RAC1: variants seen among roughly 807,000 people sequenced by gnomAD.
The protein encoded by RAC1 is Rac family small GTPase 1, also known as ras-related C3 botulinum toxin substrate 1.
In RAC1, 2 loss-of-function variants were observed where a neutral mutation model predicts 25.2. That is an observed-to-expected ratio of 0.08 (90% confidence interval 0.03 to 0.25). The LOEUF (loss-of-function observed/expected upper bound fraction) is 0.25, where lower values mean the gene tolerates loss of function less well. Ranked by LOEUF, RAC1 falls within the 10% of genes least tolerant of loss-of-function variation. The pLI is 1.00. For synonymous variants in RAC1, 88 were observed against 94.0 expected (o/e 0.94, Z 0.37); for missense variants, 50 against 235.7 (o/e 0.21, Z 5.16).
At chr7:6,382,074 A>G (rs1034839369) in intron 1 of RAC1, among the ~76,000 whole-genome samples, 3 of 152,072 alleles carry the variant, frequency 2.0e-5, no homozygotes, top group East Asian at 3.9e-4. Context: ...GCTCACTGCA[A>G]CCTCTACCCC....
intron 5 of RAC1, 29 bp downstream of exon 5, chr7:6,402,056 T>G (rs1374578866): frequency 1.2e-6 from 2 of 1,602,660 alleles, no homozygotes; most frequent in Non-Finnish European, 1.7e-6. Flanking sequence ...TTCCTCCTCC[T>G]TGTACCTCTT....
In RAC1 at chr7:6,374,640, C is replaced by T. The variant is rs1238728644; in HGVS notation, c.-96C>T. 15 of 883,392 alleles carry T rather than the reference C, an allele frequency of 1.7e-5. No homozygotes were observed. Among genetic ancestry groups the T allele is most frequent in the Non-Finnish European group, 2.1e-5 (15 of 724,118 alleles). The allele number at this position is 883,392 out of a possible 1,614,324, so 54.7% of individuals were successfully genotyped here. ...GCGGCCCCGGCACCCAGCGCCCCGC[C>T]GCCCGCAAGCCGCGCGCCCGTCCGC... is the stretch of plus-strand genomic sequence containing the variant. On this transcript the variant is annotated 5_prime_UTR_variant, in exon 1 of 6. Transcript: ENST00000348035.
chr7:6,389,697 A>C (rs1783032269), intron 2 of RAC1, among the ~76,000 whole-genome samples: 1 of 151,978 alleles, frequency 6.6e-6, no homozygotes, highest in Non-Finnish European at 1.5e-5. Context: ...GAAAAAAAAA[A>C]TATGTGTTTT....
intron 1 of RAC1, among the ~76,000 whole-genome samples, chr7:6,377,582 G>T (rs182376751): frequency 2.6e-5 from 4 of 152,172 alleles, no homozygotes; most frequent in Non-Finnish European, 4.4e-5. Context: ...GCGACAGAGT[G>T]AGACCTTGTC....
intron 1 of RAC1, among the ~76,000 whole-genome samples, chr7:6,376,672 GTTTTTTTTT>G: frequency 1.0e-5 from 1 of 99,956 alleles, no homozygotes; most frequent in Admixed American, 1.2e-4. Context: ...CAGCTAATTT[GTTTTTTTTT>G]TTTTTTTTTG....
chr7:6,389,949 C>T (rs915303746), intron 2 of RAC1, among the ~76,000 whole-genome samples: 8 of 141,592 alleles, frequency 5.7e-5, no homozygotes, highest in African/African-American at 1.8e-4. Context: ...CTCCCTCCCT[C>T]TCTCCCTCCC....
chr7:6,399,426 C>T (rs1027726854), intron 3 of RAC1, among the ~76,000 whole-genome samples: 1 of 152,204 alleles, frequency 6.6e-6, no homozygotes, highest in Admixed American at 6.5e-5. Context: ...TTTGGTTTGA[C>T]ACAAAATACA....
At chr7:6,399,972 C>G in intron 3 of RAC1, 154 bp from the exon 4 acceptor site, 1 of 664,932 alleles carries the variant, frequency 1.5e-6, no homozygotes, top group Non-Finnish European at 2.7e-6. Flanking sequence ...AGCCCTCTGA[C>G]AAACTGAAAG....
At chr7:6,388,495 C>T (rs1039656297) in intron 2 of RAC1, among the ~76,000 whole-genome samples, 2 of 151,932 alleles carry the variant, frequency 1.3e-5, no homozygotes, top group African/African-American at 2.4e-5. Context: ...CAGGCATACA[C>T]CACCACACCT....
chr7:6,391,596 G>A lies in RAC1; in HGVS notation c.108-328G>A, dbSNP rs150757197. On this transcript the variant is annotated intron_variant, in intron 2 of 5. Coordinates refer to ENST00000348035, the MANE Select transcript of RAC1 (RefSeq NM_006908.5). ...AACCCAACAAGTAGGATTTGAAAGC[G>A]GGGCTAATTGTACCCTTATTTCTTC... 1.6e-3 allele frequency: 458 copies of A among 290,944 alleles called. 11 individuals are homozygous for A. In the East Asian group the frequency reaches 0.032, roughly 20 times the overall value. 18.0% of individuals were successfully genotyped at this position (290,944 alleles called of 1,614,324 possible).
chr7:6,400,678 T>G (rs1298671124), intron 4 of RAC1, among the ~76,000 whole-genome samples: 2 of 151,978 alleles, frequency 1.3e-5, no homozygotes, highest in Non-Finnish European at 2.9e-5. Flanking sequence ...TTTTTTTGTT[T>G]TTGTTTTTGT....
At chr7:6,386,996 A>G (rs200345509) in intron 1 of RAC1, among the ~76,000 whole-genome samples, 62 of 130,464 alleles carry the variant, frequency 4.8e-4, no homozygotes, top group Admixed American at 9.2e-4. Flanking sequence ...ATGGCTCCTG[A>G]CTCTATCTTT....
At chr7:6,379,743 T>G (rs1044365346) in intron 1 of RAC1, among the ~76,000 whole-genome samples, 1 of 152,124 alleles carries the variant, frequency 6.6e-6, no homozygotes, top group African/African-American at 2.4e-5. Context: ...TTTTTTATTT[T>G]TTTATTGCTT....
chr7:6,388,367 A>C (rs1417766385), intron 2 of RAC1, among the ~76,000 whole-genome samples: 3 of 59,964 alleles, frequency 5.0e-5, no homozygotes, highest in African/African-American at 1.6e-4. Context: ...TTTTTTTTGG[A>C]GTTAGTCTCT....
intron 2 of RAC1, chr7:6,391,618 C>A (rs1783095426): frequency 5.7e-6 from 2 of 349,416 alleles, no homozygotes; most frequent in Non-Finnish European, 1.1e-5. Context: ...ACCCTTATTT[C>A]TTCTGGGGAT....
intron 1 of RAC1, among the ~76,000 whole-genome samples, chr7:6,380,487 A>G (rs1001607395): frequency 1.3e-5 from 2 of 152,042 alleles, no homozygotes; most frequent in African/African-American, 2.4e-5. Flanking sequence ...CCTTAAATTC[A>G]CCCTTTATAA....
At chr7:6,380,103 C>T (rs1380820886) in intron 1 of RAC1, among the ~76,000 whole-genome samples, 4 of 152,312 alleles carry the variant, frequency 2.6e-5, no homozygotes, top group Non-Finnish European at 1.5e-5. Context: ...TGAAAAATGC[C>T]TTCCGTGACA....
rs1203217146 is a variant in RAC1, at chr7:6,402,351, C to T, written c.484C>T (p.Gln162Ter). ...VKYLECSALT[Q>*]RGLKTVFDEA... ...ATACCTGGAGTGCTCGGCGCTCACA[C>T]AGCGAGGCCTCAAGACAGTGTTTGA... Residue 162 changes from glutamine (Q) to a stop codon, truncating the protein, a stop_gained, in exon 6 of 6, where the codon CAG becomes TAG. Transcript: ENST00000348035. LOFTEE classifies it high-confidence loss of function. The T allele has an allele frequency of 6.2e-7, 1 of 1,612,100 alleles. No individual in the cohort carries two copies. The highest frequency in any genetic ancestry group is 8.5e-7 in the Non-Finnish European group (1 of 1,179,614).
In RAC1 at chr7:6,381,179, A is replaced by C. The variant is rs192025798; in HGVS notation, c.36-6033A>C. ...CACCATGCCCGGCCTGATTTTGAAA[A>C]AGAATAGGGACTGTGTGCAGTTACA... On this transcript the variant is annotated intron_variant, in intron 1 of 5. Transcript: ENST00000348035. Among the ~76,000 whole-genome samples, 28 of 152,198 alleles carry C rather than the reference A, an allele frequency of 1.8e-4. No homozygotes were observed. The East Asian group carries it at 5.2e-3, about 28-fold the overall frequency.
Sources: gnomAD v4.1 joint callset for allele counts (sites outside exome capture counted in the v4.1 genomes callset) on GRCh38, gnomAD v4.1.1 for gene constraint, MANE v1.5 for transcripts, NCBI Gene and HGNC (gene_info 2026-07-23, HGNC 2026-07-21) for gene names.